CSNK1G3: variants seen among roughly 807,000 people sequenced by gnomAD.
CSNK1G3 encodes the protein casein kinase I isoform gamma-3.
In CSNK1G3, 23 loss-of-function variants were observed where a neutral mutation model predicts 64.3. That is an observed-to-expected ratio of 0.36 (90% CI 0.26 to 0.51). CSNK1G3 has a LOEUF of 0.51. Among genes scored for constraint, CSNK1G3 ranks in the 20% least tolerant of loss-of-function variants. CSNK1G3 has a pLI of 0.96. For synonymous variants in CSNK1G3, 158 were observed against 162.2 expected, an observed-to-expected ratio of 0.97 and a Z score of 0.20; for missense variants, 357 against 510.5, an observed-to-expected ratio of 0.70 and a Z score of 2.90.
In CSNK1G3 at chr5:123,568,825, G is replaced by A. The variant is rs912437321; in HGVS notation, c.290-4568G>A. Among the ~76,000 whole-genome samples, 5 of 152,070 alleles carry A rather than the reference G, an allele frequency of 3.3e-5. No individual in the cohort carries two copies. In the South Asian group the frequency reaches 6.2e-4, roughly 19 times the overall value. ...CTATATACGACCCATTTTTGAACTCGAATAAGAAAATCACTCAAATTTGCT... is the reference window on the plus strand; with the variant it reads ...CTATATACGACCCATTTTTGAACTCAAATAAGAAAATCACTCAAATTTGCT... On this transcript the variant is annotated intron_variant, in intron 4 of 12. Transcript: ENST00000345990.
At chr5:123,515,167 A>C (rs1230763076) in intron 1 of CSNK1G3, among the ~76,000 whole-genome samples, 1 of 152,168 alleles carries the variant, frequency 6.6e-6, no homozygotes, top group African/African-American at 2.4e-5. Context: ...CTCAGGAAGA[A>C]ATGAGAAGCT....
intron 4 of CSNK1G3, among the ~76,000 whole-genome samples, chr5:123,564,873 G>A (rs1032629539): frequency 6.6e-6 from 1 of 152,080 alleles, no homozygotes; most frequent in Non-Finnish European, 1.5e-5. Flanking sequence ...TCATAGCAGC[G>A]CTTACTATTC....
At chr5:123,543,872 G>A (rs1448027167) in intron 1 of CSNK1G3, among the ~76,000 whole-genome samples, 2 of 152,148 alleles carry the variant, frequency 1.3e-5, no homozygotes, top group Non-Finnish European at 2.9e-5. Context: ...TAAGAATATG[G>A]CAAATAAAAC....
At chr5:123,600,624 C>CAAAAAAAAAAAAAAA in intron 10 of CSNK1G3, among the ~76,000 whole-genome samples, 1 of 84,256 alleles carries the variant, frequency 1.2e-5, no homozygotes, top group African/African-American at 4.5e-5. Context: ...GATGCCATTT[C>CAAAAAAAAAAAAAAA]AAAAAAAAAA....
intron 1 of CSNK1G3, among the ~76,000 whole-genome samples, chr5:123,521,860 TAAAA>T (rs56240594): frequency 6.7e-6 from 1 of 148,398 alleles, no homozygotes; most frequent in African/African-American, 2.5e-5. Context: ...CTTGGGAGCT[TAAAA>T]AAAAAAGACA....
At chr5:123,537,552 A>G (rs148249330) in intron 1 of CSNK1G3, among the ~76,000 whole-genome samples, 2 of 152,302 alleles carry the variant, frequency 1.3e-5, no homozygotes, top group East Asian at 3.9e-4. Context: ...AAAATTGTAT[A>G]TGTACCCCAT....
intron 1 of CSNK1G3, among the ~76,000 whole-genome samples, chr5:123,527,527 A>G (rs1779289333): frequency 6.6e-6 from 1 of 152,214 alleles, no homozygotes. Context: ...AATCAGTTAT[A>G]CTACTAAGTC....
chr5:123,527,174 G>C (rs1779239160), intron 1 of CSNK1G3, among the ~76,000 whole-genome samples: 1 of 152,130 alleles, frequency 6.6e-6, no homozygotes, highest in Non-Finnish European at 1.5e-5. Flanking sequence ...TTTAGAAATA[G>C]TGATTTACGG....
At chr5:123,521,166 C>T (rs1348625013) in intron 1 of CSNK1G3, among the ~76,000 whole-genome samples, 2 of 152,122 alleles carry the variant, frequency 1.3e-5, no homozygotes, top group African/African-American at 4.8e-5. Flanking sequence ...TTTATAGATG[C>T]ATATTTTTTA....
chr5:123,534,647 T>C (rs561359449), intron 1 of CSNK1G3, among the ~76,000 whole-genome samples: 1 of 152,256 alleles, frequency 6.6e-6, no homozygotes, highest in African/African-American at 2.4e-5. Flanking sequence ...CTCTCAGTTA[T>C]ACACTGCAAG....
At chr5:123,556,168 A>T (rs1210353269) in intron 3 of CSNK1G3, among the ~76,000 whole-genome samples, 1 of 152,096 alleles carries the variant, frequency 6.6e-6, no homozygotes, top group Non-Finnish European at 1.5e-5. Flanking sequence ...TTTCTCCTGT[A>T]ATAAAACTTA....
chr5:123,614,193 T>G lies in CSNK1G3; in HGVS notation c.1218-149T>G, dbSNP rs1481956231. 36 of 607,136 alleles carry G rather than the reference T, an allele frequency of 5.9e-5. No homozygotes were observed. In the Admixed American group the frequency reaches 6.7e-4, roughly 11 times the overall value. The allele number at this position is 607,136 out of a possible 1,614,324, so 37.6% of individuals were successfully genotyped here. A position where few individuals can be genotyped will look rare whatever the true frequency, so the allele number is the denominator to read the frequency against. Reference sequence around the variant, plus strand: ...ATAATAGTAATAGCTCTGCCATATTTTCACTAATACGTATGCTTCATTGGT... The same window carrying G: ...ATAATAGTAATAGCTCTGCCATATTGTCACTAATACGTATGCTTCATTGGT... On this transcript the variant is annotated intron_variant, in intron 12 of 12. Transcript: ENST00000345990.
chr5:123,548,527 AATTAT>A (rs1403739448), intron 2 of CSNK1G3, among the ~76,000 whole-genome samples: 1 of 151,656 alleles, frequency 6.6e-6, no homozygotes, highest in East Asian at 1.9e-4. Flanking sequence ...AATAATTTTA[AATTAT>A]ATTTATTTAT....
At chr5:123,553,188 T>A (rs1002735266) in intron 3 of CSNK1G3, 41 bp downstream of exon 3, 3 of 1,091,424 alleles carry the variant, frequency 2.7e-6, no homozygotes, top group Non-Finnish European at 3.9e-6. Context: ...GATTTCTTTG[T>A]TACTTTTTAA....
chr5:123,560,545 G>A (rs1310232472), intron 4 of CSNK1G3, among the ~76,000 whole-genome samples: 1 of 152,134 alleles, frequency 6.6e-6, no homozygotes, highest in Non-Finnish European at 1.5e-5. Flanking sequence ...TAAAAAGGAA[G>A]GCTAGGTGTG....
intron 10 of CSNK1G3, among the ~76,000 whole-genome samples, chr5:123,596,780 A>G (rs1793522699): frequency 6.6e-6 from 1 of 152,140 alleles, no homozygotes; most frequent in Non-Finnish European, 1.5e-5. Context: ...ATATGGAAAT[A>G]CATAGGTAAA....
At chr5:123,610,670 T>C (rs1796164327) in intron 12 of CSNK1G3, among the ~76,000 whole-genome samples, 1 of 152,188 alleles carries the variant, frequency 6.6e-6, no homozygotes, top group African/African-American at 2.4e-5. Flanking sequence ...CTAAAGTTCA[T>C]CATAAGTAGG....
At chr5:123,538,716 A>G (rs1037773995) in intron 1 of CSNK1G3, among the ~76,000 whole-genome samples, 83 of 152,310 alleles carry the variant, frequency 5.4e-4, no homozygotes, top group African/African-American at 1.9e-3. Flanking sequence ...TGTATCCCAG[A>G]ACTTAAAGTA....
chr5:123,561,582 A>G (rs917389007), intron 4 of CSNK1G3, among the ~76,000 whole-genome samples: 2 of 152,186 alleles, frequency 1.3e-5, no homozygotes, highest in Non-Finnish European at 2.9e-5. Flanking sequence ...TCATCCTGCA[A>G]TCCTGGACTT....
Sources: allele counts gnomAD v4.1 joint callset (sites outside exome capture counted in the v4.1 genomes callset), GRCh38; gene constraint gnomAD v4.1.1; transcripts MANE v1.5; gene names NCBI Gene and HGNC (gene_info 2026-07-23, HGNC 2026-07-21).